SNX29: variants seen among roughly 807,000 people sequenced by gnomAD.
SNX29 encodes sorting nexin-29.
Under a neutral mutation model 102.1 loss-of-function variants are expected in SNX29, and 78 were observed. The observed-to-expected ratio is 0.76, with a 90% CI of 0.64 to 0.92. The LOEUF (loss-of-function observed/expected upper bound fraction) is 0.92, where lower values mean the gene tolerates loss of function less well. Among genes scored for constraint, SNX29 ranks in the 40% least tolerant of loss-of-function variants. The probability of loss-of-function intolerance (pLI) is 0.00; values close to 1 mark genes in which losing one functional copy is unlikely to be tolerated. For synonymous variants in SNX29, 580 were observed against 414.5 expected, an observed-to-expected ratio of 1.40 and a Z score of -4.85; for missense variants, 1,280 against 1,061.7, an observed-to-expected ratio of 1.21 and a Z score of -2.86.
chr16:12,060,422 T>G (rs1567170180), intron 8 of SNX29, among the ~76,000 whole-genome samples: 2 of 152,126 alleles, frequency 1.3e-5, no homozygotes, highest in South Asian at 4.1e-4. Context: ...GGAGACCCTG[T>G]TTTCACAAAA....
At chr16:12,017,003 G>A (rs2056870139) in intron 3 of SNX29, among the ~76,000 whole-genome samples, 1 of 152,008 alleles carries the variant, frequency 6.6e-6, no homozygotes, top group Non-Finnish European at 1.5e-5. Context: ...CCGTGGTAGC[G>A]CCTGTGGTCT....
intron 18 of SNX29, among the ~76,000 whole-genome samples, chr16:12,458,542 C>A (rs565909196): frequency 6.6e-6 from 1 of 152,268 alleles, no homozygotes; most frequent in South Asian, 2.1e-4. Flanking sequence ...AGACAGCTAT[C>A]ACTGGTCCTG....
chr16:12,370,703 T>C (rs1567490667), intron 16 of SNX29, among the ~76,000 whole-genome samples: 1 of 152,214 alleles, frequency 6.6e-6, no homozygotes, highest in Non-Finnish European at 1.5e-5. Context: ...GAAATGAGTT[T>C]ATATAATCTC....
chr16:12,272,395 G>A (rs181704546), intron 14 of SNX29, among the ~76,000 whole-genome samples: 2 of 152,324 alleles, frequency 1.3e-5, no homozygotes, highest in East Asian at 1.9e-4. Context: ...TTGGAGTCAC[G>A]GGTAGAGCAG....
At chr16:12,561,631 A>AAC (rs2141480485) in intron 20 of SNX29, among the ~76,000 whole-genome samples, 1 of 152,336 alleles carries the variant, frequency 6.6e-6, no homozygotes, top group South Asian at 2.1e-4. Flanking sequence ...CAAGAGGCTT[A>AAC]TTAAAAAGAA....
In SNX29 at chr16:12,496,757, C is replaced by T. The variant is rs1011293923; in HGVS notation, c.2178+18898C>T. ...AACTCCTAACCTCAAGTGATCCGCC[C>T]GCCTCGGCCTTCTGATGGCTTTTGA... is the stretch of plus-strand genomic sequence containing the variant. On this transcript the variant is annotated intron_variant, in intron 19 of 20. Transcript: ENST00000566228. 4.3e-4 allele frequency among the ~76,000 whole-genome samples: 65 copies of T among 152,188 alleles called. 1 individual carries two copies. The highest frequency in any genetic ancestry group is 1.5e-3 in the Admixed American group (23 of 15,278).
chr16:12,563,097 C>A (rs891333569), intron 20 of SNX29, among the ~76,000 whole-genome samples: 3 of 142,152 alleles, frequency 2.1e-5, no homozygotes, highest in African/African-American at 7.3e-5. Flanking sequence ...ACATAGAAGA[C>A]GCACGCTAAC....
intron 18 of SNX29, among the ~76,000 whole-genome samples, chr16:12,436,163 G>A (rs1280085981): frequency 2.6e-5 from 4 of 152,176 alleles, no homozygotes; most frequent in Non-Finnish European, 5.9e-5. Flanking sequence ...TTTTCCTGGC[G>A]ATGCCCGAGA....
chr16:12,094,549 A>G lies in SNX29; in HGVS notation c.1402+15634A>G, dbSNP rs528025782. On this transcript the variant is annotated intron_variant, in intron 11 of 20. Transcript: ENST00000566228. ...GGACATAAACCAGGCTACTCTTTCT[A>G]TGAGGCCTGAAAATTGGAAGTGATC... is the stretch of plus-strand genomic sequence containing the variant. Among the ~76,000 whole-genome samples the G allele has an allele frequency of 1.2e-4, 18 of 152,206 alleles. No homozygotes were observed. In the South Asian group the frequency reaches 3.5e-3, roughly 30 times the overall value.
intron 3 of SNX29, among the ~76,000 whole-genome samples, chr16:12,025,672 G>A (rs2057170951): frequency 6.6e-6 from 1 of 152,244 alleles, no homozygotes; most frequent in African/African-American, 2.4e-5. Flanking sequence ...GATTAGTGAT[G>A]TCTGTCATGG....
At chr16:12,337,797 G>T (rs932087503) in intron 15 of SNX29, among the ~76,000 whole-genome samples, 1 of 152,204 alleles carries the variant, frequency 6.6e-6, no homozygotes, top group African/African-American at 2.4e-5. Flanking sequence ...CTGAGATTTT[G>T]CTGCCATTGT....
intron 15 of SNX29, among the ~76,000 whole-genome samples, chr16:12,347,228 G>A (rs78810147): frequency 0.17 from 25,902 of 151,940 alleles, 2,757 homozygotes; most frequent in Middle Eastern, 0.25. Context: ...GCACTGTCTC[G>A]GTGGCACTTC....
chr16:12,152,524 G>A (rs564448988), intron 13 of SNX29, among the ~76,000 whole-genome samples: 21 of 152,276 alleles, frequency 1.4e-4, no homozygotes, highest in Middle Eastern at 6.8e-3. Context: ...AACCTGGAAC[G>A]CGTTGCTTTC....
rs2076873817 is a variant in SNX29, at chr16:12,529,454, C to T, written c.2318+4613C>T. On this transcript the variant is annotated intron_variant, in intron 20 of 20. Transcript: ENST00000566228. ...CAAGAATTCGCTCAGTGAGACTGGA[C>T]CGCAAATCGGTGACAGCTTCAGTGA... Among the ~76,000 whole-genome samples the T allele has an allele frequency of 2.0e-5, 3 of 152,312 alleles. No individual in the cohort carries two copies. The South Asian group carries it at 6.2e-4, about 32-fold the overall frequency.
intron 20 of SNX29, among the ~76,000 whole-genome samples, chr16:12,536,153 C>T (rs2077072551): frequency 6.6e-6 from 1 of 152,188 alleles, no homozygotes; most frequent in Non-Finnish European, 1.5e-5. Context: ...CCTGTGAGCG[C>T]AGAATCTCCT....
chr16:12,445,179 T>A (rs2085993634), intron 18 of SNX29, among the ~76,000 whole-genome samples: 1 of 151,794 alleles, frequency 6.6e-6, no homozygotes, highest in African/African-American at 2.4e-5. Context: ...TTGAATAAAG[T>A]TTTATTGTAG....
intron 20 of SNX29, among the ~76,000 whole-genome samples, chr16:12,550,963 C>A (rs188899360): frequency 3.3e-5 from 5 of 152,232 alleles, no homozygotes; most frequent in African/African-American, 4.8e-5. Flanking sequence ...GTAGAATGGG[C>A]TTAGGGCACA....
chr16:12,476,708 G>A (rs539105804), intron 18 of SNX29, among the ~76,000 whole-genome samples: 26 of 151,888 alleles, frequency 1.7e-4, no homozygotes, highest in African/African-American at 6.0e-4. Context: ...TTGAAATGTC[G>A]TGGTTTTAGT....
intron 20 of SNX29, among the ~76,000 whole-genome samples, chr16:12,531,465 C>T (rs573106689): frequency 1.3e-5 from 2 of 152,286 alleles, no homozygotes; most frequent in Non-Finnish European, 2.9e-5. Flanking sequence ...GAAAGGGGGA[C>T]ATGGGTTTGG....
Sources: gnomAD v4.1 joint callset for allele counts (sites outside exome capture counted in the v4.1 genomes callset) on GRCh38, gnomAD v4.1.1 for gene constraint, MANE v1.5 for transcripts, NCBI Gene and HGNC (gene_info 2026-07-23, HGNC 2026-07-21) for gene names.